Variants in ARHGEF40 observed in about 807,000 individuals in gnomAD.
ARHGEF40 encodes the protein Rho guanine nucleotide exchange factor (GEF) 40.
A neutral mutation model predicts 165.9 loss-of-function variants in ARHGEF40; 98 were observed. That is an observed-to-expected ratio of 0.59 (90% confidence interval 0.50 to 0.70). The LOEUF is 0.70. Ranked by LOEUF, ARHGEF40 falls within the 30% of genes least tolerant of loss-of-function variation. The pLI is 0.00. For synonymous variants in ARHGEF40, 792 were observed against 814.3 expected (o/e 0.97, Z 0.47); for missense variants, 1,815 against 1,968.0 (o/e 0.92, Z 1.47).
Position 21,074,594 on chromosome 14 carries a change from G to T in ARHGEF40, c.864G>T (p.Ala288=). The T allele has an allele frequency of 1.3e-6, 2 of 1,566,186 alleles. No individual in the cohort carries two copies. The highest frequency in any genetic ancestry group is 1.7e-6 in the Non-Finnish European group (2 of 1,156,114). Residue 288 remains alanine, a synonymous_variant, in exon 3 of 24, where the codon GCG becomes GCT. Transcript: ENST00000298694. The surrounding 1 kb of genome is among the most constrained non-coding windows in gnomAD (Gnocchi z 4.8). ...AGGGCCGCCACCGGAGACACCGGGCGTGGATGCACCAGAAGGGCCTGGGGC... is the reference window on the plus strand; with the variant it reads ...AGGGCCGCCACCGGAGACACCGGGCTTGGATGCACCAGAAGGGCCTGGGGC... ...GGKGRHRRHR[A]WMHQKGLGPR...
chr14:21,086,906 C>CGA (rs2139268942), intron 19 of ARHGEF40, 95 bp from the exon 20 acceptor site: 110 of 854,888 alleles, frequency 1.3e-4, no homozygotes, highest in Non-Finnish European at 1.6e-4. Context: ...TGGGAAGGAA[C>CGA]GAAAAAAAAA....
chr14:21,078,072 G>A (rs1325137287), intron 8 of ARHGEF40, 105 bp from the exon 9 acceptor site: 2 of 982,120 alleles, frequency 2.0e-6, no homozygotes, highest in African/African-American at 3.3e-5. Context: ...ACTGAATTCA[G>A]CATTGCCTCC....
rs1886725020 is a variant in ARHGEF40 at position 21,070,786 on chromosome 14, G to A, written c.3+387G>A. On this transcript the variant is annotated intron_variant, in intron 1 of 23. Transcript: ENST00000298694. This position sits in a 1 kb window ranked among gnomAD's most constrained non-coding sequence, Gnocchi z 4.7. ...GACCCCTGCGGGTTGGTCCTGCAGC[G>A]ACCCTGGAAGAGGCCCGGCCCCTCG... The A allele has an allele frequency of 1.5e-5, 23 of 1,534,636 alleles. No individual in the cohort carries two copies. Among genetic ancestry groups the A allele is most frequent in the Non-Finnish European group, 2.0e-5 (23 of 1,146,128 alleles).
chr14:21,073,131 C>A lies in ARHGEF40; in HGVS notation c.90C>A (p.Gly30=), dbSNP rs768674908. The part of the protein sequence containing the change: ...PFEATAPTLL[G]QVFQVVERTY... ...AGGCAACAGCCCCCACCCTGTTGGGCCAGGTGTTCCAGGTGGTGGAGAGGA... is the reference window on the plus strand; with the variant it reads ...AGGCAACAGCCCCCACCCTGTTGGGACAGGTGTTCCAGGTGGTGGAGAGGA... The change falls in exon 2 of 24, where the codon GGC becomes GGA. Residue 30 remains glycine (G), a synonymous_variant. Transcript: ENST00000298694. This position sits in a 1 kb window ranked among gnomAD's most constrained non-coding sequence, Gnocchi z 4.6. 1 of 1,614,150 alleles carries A rather than the reference C, an allele frequency of 6.2e-7. No individual in the cohort carries two copies.
upstream of ARHGEF40, among the ~76,000 whole-genome samples, chr14:21,069,536 C>T (rs1478967189): frequency 6.6e-6 from 1 of 152,212 alleles, no homozygotes; most frequent in African/African-American, 2.4e-5. Flanking sequence ...AATGCACGCC[C>T]CTACATAAGC....
In ARHGEF40 at chr14:21,076,569, G is replaced by C; in HGVS notation, c.1843G>C (p.Gly615Arg). The change falls in exon 7 of 24, where the codon GGA becomes CGA. Residue 615 changes from glycine (G) to arginine (R), a missense_variant. Physicochemically the swap from Gly to Arg is moderately radical, Grantham distance 125. Coordinates refer to ENST00000298694, the MANE Select transcript of ARHGEF40 (RefSeq NM_018071.5). ...TATTCTTTTCTGCCCTTAGGACTCAGGAGATCCTCCCCTTGTTCAGCGGCT... is the reference window on the plus strand; with the variant it reads ...TATTCTTTTCTGCCCTTAGGACTCACGAGATCCTCCCCTTGTTCAGCGGCT... ...IPALSQLQDS[G>R]DPPLVQRLLI... 1 of 1,614,226 alleles carries C rather than the reference G, an allele frequency of 6.2e-7. No homozygotes were observed. Among genetic ancestry groups the C allele is most frequent in the Non-Finnish European group, 8.5e-7 (1 of 1,180,034 alleles).
intron 10 of ARHGEF40, 45 bp from the exon 11 acceptor site, chr14:21,078,839 G>A (rs1259567600): frequency 6.3e-7 from 1 of 1,594,836 alleles, no homozygotes; most frequent in Non-Finnish European, 8.6e-7. Context: ...AGAATTGAGG[G>A]GCTCAACAAG....
Position 21,082,269 on chromosome 14 carries a change from C to T in ARHGEF40, c.3277C>T (p.Leu1093=), listed in dbSNP as rs1239678425. 2 of 1,611,682 alleles carry T rather than the reference C, an allele frequency of 1.2e-6. No homozygotes were observed. The highest frequency in any genetic ancestry group is 4.5e-5 in the East Asian group (2 of 44,800). ...TGCCCAGCAGCGGCTGGTGTCTGAG[C>T]TGATTGCCTGTGAACAAGATTACGT... ...ISAQQRLVSE[L]IACEQDYVAT... The change falls in exon 15 of 24, where the codon CTG becomes TTG. Residue 1093 remains leucine, a synonymous_variant. Coordinates refer to ENST00000298694, the MANE Select transcript of ARHGEF40 (RefSeq NM_018071.5).
At chr14:21,064,609 T>C in the ARHGEF40 span, among the ~76,000 whole-genome samples, 1 of 152,228 alleles carries the variant, frequency 6.6e-6, no homozygotes, top group Non-Finnish European at 1.5e-5. Flanking sequence ...GCCTACTTGA[T>C]GCTTTAACTA....
intron 19 of ARHGEF40, chr14:21,086,369 C>CT (rs1483359896): frequency 6.9e-6 from 1 of 145,864 alleles, no homozygotes; most frequent in Non-Finnish European, 1.5e-5. Context: ...GAGCAAGACT[C>CT]TGTCTTTAAA....
At chr14:21,082,147 G>T (rs1045311009) in intron 14 of ARHGEF40, 28 bp downstream of exon 14, 3 of 1,562,008 alleles carry the variant, frequency 1.9e-6, no homozygotes, top group Middle Eastern at 1.7e-4. Context: ...CTGGTGCTAA[G>T]AGGCGGAGCC....
At position 21,081,690 on chromosome 14, in the gene ARHGEF40, G is replaced by T. The variant is rs1887915372; in HGVS notation, c.2822G>T (p.Cys941Phe). Residue 941 changes from cysteine (C) to phenylalanine (F), a missense_variant, in exon 14 of 24, where the codon TGC (cysteine) becomes TTC (phenylalanine). Physicochemically the swap from Cys to Phe is radical, Grantham distance 205. Transcript: ENST00000298694. ...SPAALREWGR[C>F]QARCQELERR... is the part of the protein sequence containing the mutation. ...GCAGCCCTGCGAGAATGGGGCCGCT[G>T]CCAGGCCCGCTGCCAAGAGCTAGAG... 6.3e-7 allele frequency: 1 copy of T among 1,585,162 alleles called. No individual in the cohort carries two copies. Among genetic ancestry groups the T allele is most frequent in the African/African-American group, 1.3e-5 (1 of 74,420 alleles).
At chr14:21,070,152 A>T, upstream of ARHGEF40, 1 of 212,820 alleles carries the variant, frequency 4.7e-6, no homozygotes, top group Admixed American at 6.0e-5. The surrounding 1 kb of genome is among the most constrained non-coding windows in gnomAD (Gnocchi z 4.7). Flanking sequence ...CGGGAGACAG[A>T]GTCCCGGCAA....
Position 21,087,970 on chromosome 14 carries a change from C to A in ARHGEF40, c.4390C>A (p.Pro1464Thr), listed in dbSNP as rs200893240. 1.2e-6 allele frequency: 2 copies of A among 1,613,996 alleles called. No individual in the cohort carries two copies. Among genetic ancestry groups the A allele is most frequent in the Non-Finnish European group, 1.7e-6 (2 of 1,180,008 alleles). Residue 1464 changes from proline to threonine, a missense_variant and splice_region_variant, in exon 22 of 24, where the codon CCA becomes ACA. Pro to Thr is a conservative substitution (Grantham distance 38, BLOSUM62 -1). Transcript: ENST00000298694. ...TCTCACCCTAGCTTCCCCTTCAGCC[C>A]CAGAAACACTTGACTCTTCTGGAGA... ...DLDVKQISLA[P>T]ETLDSSGDVS...
rs142313542 is a variant in ARHGEF40, at chr14:21,075,352, C to T, written c.1471C>T (p.Pro491Ser). 908 of 1,613,972 alleles carry T rather than the reference C, an allele frequency of 5.6e-4. 1 individual carries two copies. Among genetic ancestry groups the T allele is most frequent in the Non-Finnish European group, 6.4e-4 (751 of 1,180,042 alleles). Residue 491 changes from proline (P) to serine (S), a missense_variant, in exon 4 of 24, where the codon CCC (proline) becomes TCC (serine). Transcript: ENST00000298694. The surrounding 1 kb of genome is among the most constrained non-coding windows in gnomAD (Gnocchi z 4.5). ...CMAGHTGPEG[P>S]LSDTPTPPLE... ...TGCAGGACACACAGGCCCAGAAGGCCCCCTGTCTGACACTCCAACACCTCC... is the reference window on the plus strand; with the variant it reads ...TGCAGGACACACAGGCCCAGAAGGCTCCCTGTCTGACACTCCAACACCTCC...
upstream of ARHGEF40, among the ~76,000 whole-genome samples, chr14:21,068,507 C>T (rs947807631): frequency 6.6e-6 from 1 of 152,118 alleles, no homozygotes; most frequent in African/African-American, 2.4e-5. Flanking sequence ...AAGGTTCAGA[C>T]ACTCTCAACA....
In ARHGEF40 at chr14:21,075,373, C is replaced by A; in HGVS notation, c.1492C>A (p.Pro498Thr). 6.2e-7 allele frequency: 1 copy of A among 1,614,186 alleles called. No homozygotes were observed. Among genetic ancestry groups the A allele is most frequent in the Non-Finnish European group, 8.5e-7 (1 of 1,180,042 alleles). The stretch of plus-strand genomic sequence containing the variant: ...AGGCCCCCTGTCTGACACTCCAACA[C>A]CTCCGCTGGAGACTGTGCAGGAAGG... ...PEGPLSDTPT[P>T]PLETVQEGKG... Residue 498 changes from proline to threonine, a missense_variant, in exon 4 of 24, where the codon CCT becomes ACT. Physicochemically the swap from Pro to Thr is conservative, Grantham distance 38 (BLOSUM62 -1). Transcript: ENST00000298694. This position sits in a 1 kb window ranked among gnomAD's most constrained non-coding sequence, Gnocchi z 4.5.
In ARHGEF40 at chr14:21,073,779, C is replaced by G. The variant is rs1470787051; in HGVS notation, c.202-153C>G. Among the ~76,000 whole-genome samples the G allele has an allele frequency of 1.3e-5, 2 of 152,194 alleles. No homozygotes were observed. Among genetic ancestry groups the G allele is most frequent in the Non-Finnish European group, 1.5e-5 (1 of 68,040 alleles). On this transcript the variant is annotated intron_variant, in intron 2 of 23. Coordinates refer to ENST00000298694, the MANE Select transcript of ARHGEF40 (RefSeq NM_018071.5). This position sits in a 1 kb window ranked among gnomAD's most constrained non-coding sequence, Gnocchi z 4.6. ...AGTCCCAATCCCTTCCTCTCTGCCA[C>G]CTGAATACCCCAAATCTCCCCTCCT...
rs1472586802 is a variant in ARHGEF40 at position 21,087,800 on chromosome 14, T to G, written c.4388-168T>G. 3.3e-6 allele frequency: 3 copies of G among 896,486 alleles called. No homozygotes were observed. The East Asian group carries it at 7.2e-5, about 22-fold the overall frequency. 55.5% of individuals were successfully genotyped at this position (896,486 alleles called of 1,614,324 possible). ...TCCCTGGTTGCTCTAATGATGCTGC[T>G]GACAATTTCCTGCCTCTTGGTAGGG... On this transcript the variant is annotated intron_variant, in intron 21 of 23. Transcript: ENST00000298694.
Sources: gnomAD v4.1 joint callset for allele counts (sites outside exome capture counted in the v4.1 genomes callset) on GRCh38, gnomAD v4.1.1 for gene constraint, Gnocchi (gnomAD v3.1) non-coding constraint, MANE v1.5 for transcripts, NCBI Gene and HGNC (gene_info 2026-07-23, HGNC 2026-07-21) for gene names.